The following MTM1 variants were observed in gnomAD, a reference collection of about 807,000 sequenced individuals.
The protein encoded by MTM1 is myotubularin.
A neutral mutation model predicts 52.1 loss-of-function variants in MTM1; 9 were observed. The ratio of observed to expected loss-of-function variants is 0.17; its 90% CI spans 0.10 to 0.30. MTM1 has a LOEUF of 0.30. Ranked by LOEUF, MTM1 falls within the 10% of genes least tolerant of loss-of-function variation. MTM1 has a pLI of 1.00. For synonymous variants in MTM1, 136 were observed against 163.8 expected, an observed-to-expected ratio of 0.83 and a Z score of 1.29; for missense variants, 277 against 470.7, an observed-to-expected ratio of 0.59 and a Z score of 3.81.
intron 1 of MTM1, among the ~76,000 whole-genome samples, chrX:150,576,210 G>A (rs2148400045): frequency 9.0e-6 from 1 of 111,549 alleles, no homozygotes; most frequent in African/African-American, 3.3e-5. Flanking sequence ...GCTTATGCTA[G>A]CCTTATAAAG....
Position 150,671,552 on chromosome X carries a change from C to T in MTM1, c.1769C>T (p.Ser590Phe), listed in dbSNP as rs782272996. 8.3e-7 allele frequency: 1 copy of T among 1,211,462 alleles called. No homozygotes were observed. The highest frequency in any genetic ancestry group is 1.1e-6 in the Non-Finnish European group (1 of 895,513). Residue 590 changes from serine (S) to phenylalanine (F), a missense_variant, in exon 15 of 15, where the codon TCC (serine) becomes TTC (phenylalanine). Physicochemically the swap from Ser to Phe is radical, Grantham distance 155. This residue lies in a region of MTM1 where 51 missense variants were observed against 52.2 expected (regional missense o/e 0.98). Coordinates refer to ENST00000370396, the MANE Select transcript of MTM1 (RefSeq NM_000252.3). ...AKLSDPPTSPSSPSQMMPHVQ... is the reference protein window; with the variant it reads ...AKLSDPPTSPFSPSQMMPHVQ... Reference sequence around the variant, plus strand: ...CTTTCTGATCCCCCAACTTCACCTTCCAGTCCTTCGCAAATGATGCCCCAT... The same window carrying T: ...CTTTCTGATCCCCCAACTTCACCTTTCAGTCCTTCGCAAATGATGCCCCAT...
intron 4 of MTM1, among the ~76,000 whole-genome samples, chrX:150,610,694 G>A (rs948852596): frequency 9.0e-5 from 10 of 111,538 alleles, no homozygotes; most frequent in Non-Finnish European, 1.5e-4. Flanking sequence ...CTTATTAGAC[G>A]GTGGGTGCCT....
chrX:150,585,994 GA>G (rs1168256917), intron 1 of MTM1, among the ~76,000 whole-genome samples: 1 of 111,484 alleles, frequency 9.0e-6, no homozygotes, highest in African/African-American at 3.3e-5. Flanking sequence ...CTAGCCACTG[GA>G]AAAAATGATT....
chrX:150,618,390 AC>A (rs2039421094), intron 5 of MTM1, among the ~76,000 whole-genome samples: 1 of 111,889 alleles, frequency 8.9e-6, no homozygotes, highest in Non-Finnish European at 1.9e-5. Flanking sequence ...TGGTGGCTTG[AC>A]ACCTGTAATC....
At chrX:150,640,941 C>T (rs1441239849) in intron 7 of MTM1, among the ~76,000 whole-genome samples, 3 of 110,467 alleles carry the variant, frequency 2.7e-5, no homozygotes, top group South Asian at 3.9e-4. Flanking sequence ...GGTGCATGGG[C>T]GGGGGATGAA....
At position 150,663,525 on chromosome X, in the gene MTM1, A is replaced by C. The variant is rs138946055; in HGVS notation, c.1560A>C (p.Arg520=). 2 of 1,211,680 alleles carry C rather than the reference A, an allele frequency of 1.7e-6. No homozygotes were observed. Among genetic ancestry groups the C allele is most frequent in the Non-Finnish European group, 2.2e-6 (2 of 895,306 alleles). ...CCTTCTATACTAAAGAAATCAATCG[A>C]GTTTTATATCCAGTTGCCAGTATGC... ...KNPFYTKEIN[R]VLYPVASMRH... is the part of the protein sequence containing the mutation. Residue 520 remains arginine (R), a synonymous_variant, in exon 14 of 15, where the codon CGA becomes CGC. Coordinates refer to ENST00000370396, the MANE Select transcript of MTM1 (RefSeq NM_000252.3).
At chrX:150,582,412 T>G (rs2038601517) in intron 1 of MTM1, among the ~76,000 whole-genome samples, 1 of 112,066 alleles carries the variant, frequency 8.9e-6, no homozygotes. Context: ...AGATTGTTAA[T>G]TTCTGTAGCC....
At chrX:150,653,890 T>C (rs1192602390) in intron 10 of MTM1, among the ~76,000 whole-genome samples, 4 of 112,292 alleles carry the variant, frequency 3.6e-5, no homozygotes, top group African/African-American at 9.7e-5. Flanking sequence ...CTATGCTCAA[T>C]GTGAGCACTT....
chrX:150,645,650 C>T (rs781861064), intron 8 of MTM1, 33 bp from the exon 9 acceptor site: 3 of 1,185,617 alleles, frequency 2.5e-6, no homozygotes, highest in East Asian at 5.9e-5. Context: ...GATTTGCTTT[C>T]TTGATAGCTT....
chrX:150,625,485 T>C (rs1485291475), intron 6 of MTM1, among the ~76,000 whole-genome samples: 1 of 111,979 alleles, frequency 8.9e-6, no homozygotes, highest in Non-Finnish European at 1.9e-5. Context: ...AACAAACCAT[T>C]GGTTGTACCT....
intron 6 of MTM1, among the ~76,000 whole-genome samples, chrX:150,624,458 AAGAT>A (rs1225005074): frequency 3.6e-5 from 4 of 111,721 alleles, no homozygotes; most frequent in Non-Finnish European, 7.5e-5. Flanking sequence ...GTGCTACAGA[AAGAT>A]AAAGAGTTTG....
intron 1 of MTM1, among the ~76,000 whole-genome samples, chrX:150,569,767 A>G (rs1431936346): frequency 6.2e-5 from 7 of 112,411 alleles, no homozygotes; most frequent in Non-Finnish European, 1.1e-4. Context: ...ACTGCAAACC[A>G]TTTTGAATTT....
intron 5 of MTM1, among the ~76,000 whole-genome samples, chrX:150,618,239 TGTCA>T (rs2039418316): frequency 8.9e-6 from 1 of 112,291 alleles, no homozygotes. Context: ...GGGCTTAAAA[TGTCA>T]GTCATTTAGG....
intron 10 of MTM1, among the ~76,000 whole-genome samples, chrX:150,651,887 A>G (rs2040027073): frequency 9.0e-6 from 1 of 111,029 alleles, no homozygotes; most frequent in African/African-American, 3.3e-5. Context: ...AAAGGAGGAT[A>G]TTGGAAGGTA....
At chrX:150,603,221 A>G (rs185432697) in intron 4 of MTM1, among the ~76,000 whole-genome samples, 1 of 112,194 alleles carries the variant, frequency 8.9e-6, no homozygotes, top group East Asian at 2.8e-4. Context: ...AGATGGTTGA[A>G]TGATCGGTTG....
intron 11 of MTM1, among the ~76,000 whole-genome samples, chrX:150,659,438 C>CTT (rs1431080030): frequency 9.0e-6 from 1 of 111,581 alleles, no homozygotes; most frequent in Non-Finnish European, 1.9e-5. Flanking sequence ...GATGATGATT[C>CTT]TTTGGCAATT....
chrX:150,671,478 C>T lies in MTM1; in HGVS notation c.1695C>T (p.Asp565=), dbSNP rs140744506. The change falls in exon 15 of 15, where the codon GAC becomes GAT. Residue 565 remains aspartate (D), a synonymous_variant. Transcript: ENST00000370396. ...QRYMELLALR[D]EYIKRLEELQ... The stretch of plus-strand genomic sequence containing the variant: ...ACATGGAGCTCTTAGCCTTACGCGA[C>T]GAATACATAAAGCGGCTTGAGGAAC... 2.1e-5 allele frequency: 25 copies of T among 1,208,783 alleles called. No homozygotes were observed. The highest frequency in any genetic ancestry group is 3.5e-5 in the African/African-American group (2 of 56,757).
At chrX:150,614,489 G>A (rs2039345734) in intron 4 of MTM1, 100 bp from the exon 5 acceptor site, 1 of 542,289 alleles carries the variant, frequency 1.8e-6, no homozygotes, top group African/African-American at 2.3e-5. Flanking sequence ...AAAGGGCCAA[G>A]GTAAAATCAC....
intron 10 of MTM1, among the ~76,000 whole-genome samples, chrX:150,657,251 A>C (rs1477133897): frequency 4.5e-5 from 5 of 111,542 alleles, no homozygotes; most frequent in Non-Finnish European, 9.4e-5. Flanking sequence ...AGACTGGATT[A>C]AGGAAATGTG....
Sources: gnomAD v4.1 joint callset for allele counts (sites outside exome capture counted in the v4.1 genomes callset) on GRCh38, gnomAD v4.1.1 for gene constraint, gnomAD v4.1.1 regional missense constraint, MANE v1.5 for transcripts, NCBI Gene and HGNC (gene_info 2026-07-23, HGNC 2026-07-21) for gene names.